MMP16: variants seen among roughly 807,000 people sequenced by gnomAD.
MMP16 encodes matrix metallopeptidase 16.
MMP16 carries 12 observed loss-of-function variants against 67.8 expected under a neutral mutation model. The ratio of observed to expected loss-of-function variants is 0.18; its 90% CI spans 0.11 to 0.29. The LOEUF (loss-of-function observed/expected upper bound fraction) is 0.29. Ranked by LOEUF, MMP16 falls within the 10% of genes least tolerant of loss-of-function variation. MMP16 has a pLI of 1.00. For missense variants in MMP16, 475 were observed against 765.7 expected, an observed-to-expected ratio of 0.62 and a Z score of 4.48; for synonymous variants, 249 against 255.9, an observed-to-expected ratio of 0.97 and a Z score of 0.26.
intron 1 of MMP16, among the ~76,000 whole-genome samples, chr8:88,206,508 G>C (rs929888903): frequency 6.6e-6 from 1 of 152,160 alleles, no homozygotes; most frequent in African/African-American, 2.4e-5. Flanking sequence ...GGGAGGGTGT[G>C]AGTGCGCCCT....
intron 2 of MMP16, among the ~76,000 whole-genome samples, chr8:88,192,386 G>A (rs1809182728): frequency 1.3e-5 from 2 of 152,112 alleles, no homozygotes; most frequent in Admixed American, 1.3e-4. Flanking sequence ...ACTGTATTAA[G>A]CCACTATGAT....
At chr8:88,241,207 T>C (rs924979344) in intron 1 of MMP16, among the ~76,000 whole-genome samples, 1 of 152,110 alleles carries the variant, frequency 6.6e-6, no homozygotes. Context: ...CATTCATATG[T>C]AGTGATTGCA....
chr8:88,155,137 T>A (rs1313656425), intron 4 of MMP16, among the ~76,000 whole-genome samples: 1 of 152,066 alleles, frequency 6.6e-6, no homozygotes, highest in Non-Finnish European at 1.5e-5. Flanking sequence ...TGGTCCAAAT[T>A]TTGTTTCTAT....
Position 88,266,540 on chromosome 8 carries a change from C to G in MMP16, c.132+60535G>C, listed in dbSNP as rs527440090. On this transcript the variant is annotated intron_variant, in intron 1 of 9. Transcript: ENST00000286614. ...AGAGCCAGGTCTCTGGCACCTCATC[C>G]AGGAATCTTTATGGCATTGTACTTC... 3.9e-5 allele frequency among the ~76,000 whole-genome samples: 6 copies of G among 152,248 alleles called. No homozygotes were observed. In the South Asian group the frequency reaches 1.0e-3, roughly 26 times the overall value.
intron 1 of MMP16, among the ~76,000 whole-genome samples, chr8:88,308,665 CAA>C (rs1315032106): frequency 2.0e-5 from 3 of 151,878 alleles, no homozygotes; most frequent in African/African-American, 7.2e-5. Context: ...TTCTGTATAT[CAA>C]AGATTCATGC....
intron 4 of MMP16, among the ~76,000 whole-genome samples, chr8:88,166,439 C>G (rs987018348): frequency 6.6e-6 from 1 of 151,342 alleles, no homozygotes; most frequent in African/African-American, 2.4e-5. Context: ...AAACACATGC[C>G]TCTTATATTA....
chr8:88,327,123 C>A lies in MMP16; in HGVS notation c.84G>T (p.Trp28Cys). ...TTCCGCAGACTGTAGCACATAAAAT[C>A]CAAAGCAAGGTTTGCAAGAAAAACA... ...SGVFFLQTLL[W>C]ILCATVCGTE... is the part of the protein sequence containing the mutation. Residue 28 changes from tryptophan (W) to cysteine (C), a missense_variant, in exon 1 of 10, where the codon TGG becomes TGT. By Grantham distance (215) the Trp-to-Cys change is radical. This residue lies in a region of MMP16 where 170 missense variants were observed against 239.6 expected (regional missense o/e 0.71). Transcript: ENST00000286614. The A allele has an allele frequency of 6.2e-7, 1 of 1,614,042 alleles. No homozygotes were observed.
chr8:88,301,840 C>A (rs142382104), intron 1 of MMP16, among the ~76,000 whole-genome samples: 1 of 152,154 alleles, frequency 6.6e-6, no homozygotes, highest in Non-Finnish European at 1.5e-5. Flanking sequence ...TCAGGAAATA[C>A]GTTAATGAAT....
At chr8:88,048,511 C>A (rs947302880) in intron 8 of MMP16, among the ~76,000 whole-genome samples, 2 of 152,156 alleles carry the variant, frequency 1.3e-5, no homozygotes, top group African/African-American at 4.8e-5. Context: ...AGCCCTATTG[C>A]TCTATGCATT....
chr8:88,301,141 A>C (rs1030719501), intron 1 of MMP16, among the ~76,000 whole-genome samples: 4 of 152,216 alleles, frequency 2.6e-5, no homozygotes, highest in East Asian at 3.9e-4. Context: ...AATGAGAATT[A>C]TCTCTCATAA....
chr8:88,174,859 A>G (rs904997329), intron 3 of MMP16, among the ~76,000 whole-genome samples: 1 of 151,952 alleles, frequency 6.6e-6, no homozygotes, highest in Admixed American at 6.6e-5. Flanking sequence ...GGTTCAAGCA[A>G]TTCTCCTGCC....
chr8:88,186,049 A>C (rs1306470654), intron 3 of MMP16, among the ~76,000 whole-genome samples: 1 of 152,234 alleles, frequency 6.6e-6, no homozygotes, highest in East Asian at 1.9e-4. Flanking sequence ...AACCACTTGC[A>C]TAATTAAGAA....
intron 1 of MMP16, among the ~76,000 whole-genome samples, chr8:88,206,070 GTGTTT>G (rs141805920): frequency 0.034 from 5,217 of 152,066 alleles, 206 homozygotes; most frequent in African/African-American, 0.1. Flanking sequence ...GCTGGCCTCT[GTGTTT>G]TCATATTGCT....
chr8:88,276,768 T>A (rs1810655379), intron 1 of MMP16, among the ~76,000 whole-genome samples: 1 of 152,102 alleles, frequency 6.6e-6, no homozygotes, highest in Non-Finnish European at 1.5e-5. Context: ...CTCTCAATTA[T>A]GAATAAGAGA....
At chr8:88,213,122 T>G (rs1242961831) in intron 1 of MMP16, among the ~76,000 whole-genome samples, 1 of 152,122 alleles carries the variant, frequency 6.6e-6, no homozygotes, top group Admixed American at 6.6e-5. Flanking sequence ...TAAATGGATT[T>G]GGGGGCTGTA....
intron 1 of MMP16, among the ~76,000 whole-genome samples, chr8:88,256,724 G>A (rs1329838718): frequency 1.3e-5 from 2 of 150,746 alleles, no homozygotes; most frequent in African/African-American, 4.9e-5. Flanking sequence ...CCATCCATCA[G>A]GGGAACTACA....
intron 1 of MMP16, among the ~76,000 whole-genome samples, chr8:88,268,607 T>C (rs1176513353): frequency 1.3e-5 from 2 of 152,156 alleles, no homozygotes; most frequent in Admixed American, 6.5e-5. Context: ...AGGACCATAA[T>C]AGGTCAACTT....
intron 3 of MMP16, among the ~76,000 whole-genome samples, chr8:88,184,746 CAAAAAAAAAAAAAA>C (rs61606557): frequency 0.015 from 693 of 47,508 alleles, 12 homozygotes; most frequent in Middle Eastern, 0.083. Flanking sequence ...GGCCCTGTCT[CAAAAAAAAAAAAAA>C]AAAAAAAAAA....
chr8:88,090,102 C>T (rs757018635), intron 6 of MMP16, among the ~76,000 whole-genome samples: 7 of 151,706 alleles, frequency 4.6e-5, no homozygotes, highest in African/African-American at 7.3e-5. Context: ...ATTTTTTCTC[C>T]CTGTCTTCTG....
Sources: allele counts gnomAD v4.1 joint callset (sites outside exome capture counted in the v4.1 genomes callset), GRCh38; gene constraint gnomAD v4.1.1; regional missense constraint gnomAD v4.1.1; transcripts MANE v1.5; gene names NCBI Gene and HGNC (gene_info 2026-07-23, HGNC 2026-07-21).